The following DNAJC7 variants were observed in gnomAD, a reference collection of about 807,000 sequenced individuals.
The protein encoded by DNAJC7 is DnaJ heat shock protein family (Hsp40) member C7.
DNAJC7 carries 18 observed loss-of-function variants against 67.4 expected under a neutral mutation model. The ratio of observed to expected loss-of-function variants is 0.27; its 90% CI spans 0.18 to 0.40. DNAJC7 has a LOEUF of 0.40. DNAJC7 is among the 10% of genes least tolerant of loss of function. DNAJC7 has a pLI of 1.00. For synonymous variants in DNAJC7, 220 were observed against 207.8 expected (o/e 1.06, Z -0.50); for missense variants, 419 against 613.8 (o/e 0.68, Z 3.35).
At chr17:42,011,503 C>T (rs1162239611) in intron 1 of DNAJC7, 3 of 152,198 alleles carry the variant, frequency 2.0e-5, no homozygotes, top group Non-Finnish European at 2.9e-5. Context: ...TTATGATTAT[C>T]TACTTTGCCA....
chr17:42,017,016 T>TCG (rs1245867973), intron 1 of DNAJC7: 14 of 1,302,942 alleles, frequency 1.1e-5, no homozygotes, highest in South Asian at 4.7e-5. Flanking sequence ...GAAGTCGTCA[T>TCG]CGACGCCGCG....
intron 3 of DNAJC7, 135 bp from the exon 4 acceptor site, chr17:41,996,559 TG>T: frequency 1.4e-6 from 1 of 695,636 alleles, no homozygotes; most frequent in Non-Finnish European, 2.4e-6. Flanking sequence ...CCCAGCACTT[TG>T]GGAAGCTGAG....
chr17:41,999,115 G>A (rs1003213929), intron 2 of DNAJC7, among the ~76,000 whole-genome samples: 1 of 151,240 alleles, frequency 6.6e-6, no homozygotes, highest in Non-Finnish European at 1.5e-5. Context: ...GGAGATTCGC[G>A]CTTGTTGCCC....
At chr17:41,996,120 G>C (rs1283334596) in intron 4 of DNAJC7, among the ~76,000 whole-genome samples, 191 bp downstream of exon 4, 4 of 152,226 alleles carry the variant, frequency 2.6e-5, no homozygotes, top group Non-Finnish European at 5.9e-5. Context: ...TTTAAAAGCT[G>C]TCAATCATAT....
At chr17:41,996,484 C>T (rs1312185666) in intron 3 of DNAJC7, 60 bp from the exon 4 acceptor site, 4 of 1,479,566 alleles carry the variant, frequency 2.7e-6, no homozygotes, top group East Asian at 2.3e-5. Context: ...AAGAAATCAA[C>T]AGCAGCAACA....
Position 42,000,557 on chromosome 17 carries a change from A to G in DNAJC7, c.91T>C (p.Phe31Leu). 6.2e-7 allele frequency: 1 copy of G among 1,610,020 alleles called. No homozygotes were observed. The highest frequency in any genetic ancestry group is 1.1e-5 in the South Asian group (1 of 90,436). Residue 31 changes from phenylalanine (F) to leucine (L), a missense_variant, in exon 2 of 14, where the codon TTC (phenylalanine) becomes CTC (leucine). By Grantham distance (22) the Phe-to-Leu change is conservative. Coordinates refer to ENST00000457167, the MANE Select transcript of DNAJC7 (RefSeq NM_003315.4). ...TAGTATGCATTTCCTTGTTCCTTGA[A>G]AGTCTCTGCTTCCCTGAAAATGAAA... ...DQEAKREAETFKEQGNAYYAK... is the reference protein window; with the variant it reads ...DQEAKREAETLKEQGNAYYAK...
intron 11 of DNAJC7, 48 bp from the exon 12 acceptor site, chr17:41,982,055 G>A (rs781978254): frequency 3.2e-6 from 5 of 1,586,698 alleles, no homozygotes; most frequent in Non-Finnish European, 4.3e-6. Context: ...AAAGTTTCAA[G>A]AAAACAAAGT....
At chr17:41,983,122 C>CT (rs1203645176) in intron 10 of DNAJC7, among the ~76,000 whole-genome samples, 4 of 150,920 alleles carry the variant, frequency 2.7e-5, no homozygotes, top group Non-Finnish European at 4.4e-5. Flanking sequence ...CTTTTTTTTT[C>CT]TTTTTTTTGT....
At chr17:42,007,759 G>C (rs2052005230) in intron 1 of DNAJC7, among the ~76,000 whole-genome samples, 1 of 150,666 alleles carries the variant, frequency 6.6e-6, no homozygotes, top group Non-Finnish European at 1.5e-5. Context: ...CTTGAGCTCA[G>C]GCAATCCACC....
At chr17:42,004,330 T>G (rs2143295609) in intron 1 of DNAJC7, among the ~76,000 whole-genome samples, 1 of 152,302 alleles carries the variant, frequency 6.6e-6, no homozygotes, top group Non-Finnish European at 1.5e-5. Flanking sequence ...GAAGAGCTAG[T>G]GAGGCAACCA....
intron 6 of DNAJC7, 21 bp from the exon 7 acceptor site, chr17:41,989,578 C>T: frequency 5.0e-6 from 8 of 1,612,106 alleles, no homozygotes; most frequent in Non-Finnish European, 6.8e-6. Flanking sequence ...CAGAAAAGGG[C>T]ACATTGAGCT....
chr17:41,979,096 TG>T (rs1357894176), intron 12 of DNAJC7, among the ~76,000 whole-genome samples: 1 of 152,152 alleles, frequency 6.6e-6, no homozygotes, highest in Non-Finnish European at 1.5e-5. Context: ...CCCAACACTT[TG>T]GGAGGCCAAG....
intron 9 of DNAJC7, chr17:41,984,784 AAC>A (rs2051335957): frequency 6.6e-6 from 1 of 152,102 alleles, no homozygotes; most frequent in Non-Finnish European, 1.5e-5. Context: ...GCTGCTGTAC[AAC>A]AGAGATTCAA....
intron 9 of DNAJC7, chr17:41,984,522 T>G (rs1352822593): frequency 6.6e-6 from 1 of 152,260 alleles, no homozygotes; most frequent in Non-Finnish European, 1.5e-5. Context: ...TTAGCCAGGA[T>G]GGTCTCCATC....
intron 1 of DNAJC7, chr17:42,013,734 C>T (rs1291415142): frequency 6.6e-6 from 1 of 152,266 alleles, no homozygotes; most frequent in Non-Finnish European, 1.5e-5. Flanking sequence ...AATCTCCATC[C>T]CATTTTCAGC....
chr17:42,015,513 C>T (rs1247517250), intron 1 of DNAJC7: 3 of 152,142 alleles, frequency 2.0e-5, no homozygotes, highest in Non-Finnish European at 4.4e-5. Context: ...GGACACTCTA[C>T]ATCAGAGATT....
At chr17:42,004,533 A>G (rs1423156244) in intron 1 of DNAJC7, among the ~76,000 whole-genome samples, 2 of 152,174 alleles carry the variant, frequency 1.3e-5, no homozygotes, top group African/African-American at 4.8e-5. Context: ...CCACCAATCC[A>G]GTCTTTTCAT....
chr17:41,988,302 G>A (rs1247219643), intron 8 of DNAJC7, among the ~76,000 whole-genome samples: 1 of 152,136 alleles, frequency 6.6e-6, no homozygotes, highest in Non-Finnish European at 1.5e-5. Context: ...ATGTTGGGTA[G>A]GGCCACAAAA....
At chr17:42,009,770 G>A (rs1555650841) in intron 1 of DNAJC7, among the ~76,000 whole-genome samples, 2 of 152,104 alleles carry the variant, frequency 1.3e-5, no homozygotes, top group African/African-American at 4.8e-5. Flanking sequence ...CCATCCCTCG[G>A]TTCCCTATTC....
Sources: allele counts gnomAD v4.1 joint callset (sites outside exome capture counted in the v4.1 genomes callset), GRCh38; gene constraint gnomAD v4.1.1; transcripts MANE v1.5; gene names NCBI Gene and HGNC (gene_info 2026-07-23, HGNC 2026-07-21).